NFKB1: variants seen among roughly 807,000 people sequenced by gnomAD.
NFKB1 encodes the protein nuclear factor kappa B subunit 1, also known as nuclear factor NF-kappa-B p105 subunit.
Under a neutral mutation model 105.1 loss-of-function variants are expected in NFKB1, and 9 were observed. The observed-to-expected ratio is 0.09, with a 90% CI of 0.05 to 0.15. The LOEUF is 0.15. NFKB1 is among the 10% of genes least tolerant of loss of function. The pLI is 1.00. For missense variants in NFKB1, 830 were observed against 1,203.7 expected (o/e 0.69, Z 4.59); for synonymous variants, 440 against 442.2 (o/e 1.00, Z 0.06).
At chr4:102,519,194 A>G (rs1183484532) in intron 1 of NFKB1, among the ~76,000 whole-genome samples, 1 of 151,124 alleles carries the variant, frequency 6.6e-6, no homozygotes, top group African/African-American at 2.4e-5. Flanking sequence ...ACATTCAGGT[A>G]GTATTTCAAT....
intron 2 of NFKB1, among the ~76,000 whole-genome samples, chr4:102,527,763 AT>A (rs1413854341): frequency 7.2e-5 from 11 of 152,140 alleles, no homozygotes; most frequent in Admixed American, 2.6e-4. Context: ...TTCTCTAACA[AT>A]TAAGGGCGAA....
chr4:102,525,475 GT>G (rs1740851303), intron 1 of NFKB1, 36 bp from the exon 2 acceptor site: 12 of 1,598,938 alleles, frequency 7.5e-6, no homozygotes, highest in Non-Finnish European at 1.0e-5. Context: ...GTTCATTCTA[GT>G]GTTACAGTTT....
In NFKB1 at chr4:102,617,203, T is replaced by A. The variant is rs1243008185; in HGVS notation, c.*609T>A. 4 of 152,538 alleles carry A rather than the reference T, an allele frequency of 2.6e-5. No individual in the cohort carries two copies. The highest frequency in any genetic ancestry group is 2.6e-4 in the Admixed American group (4 of 15,282). The allele number at this position is 152,538 out of a possible 1,614,324, so 9.4% of individuals were successfully genotyped here. ...TCTGCATTTTGCTATTGTAAATATG[T>A]TTTTTAGATCAAATACTTTAAAGGA... On this transcript the variant is annotated 3_prime_UTR_variant, in exon 24 of 24. Transcript: ENST00000226574.
chr4:102,549,993 T>G (rs1301135983), intron 5 of NFKB1, among the ~76,000 whole-genome samples: 1 of 152,192 alleles, frequency 6.6e-6, no homozygotes, highest in Non-Finnish European at 1.5e-5. Context: ...TATCAATAAT[T>G]GTTATAAATT....
chr4:102,586,395 T>G (rs1475166314), intron 11 of NFKB1, among the ~76,000 whole-genome samples: 1 of 152,048 alleles, frequency 6.6e-6, no homozygotes, highest in East Asian at 1.9e-4. Flanking sequence ...CATGTTATAT[T>G]TTAGGTCCCT....
At chr4:102,506,156 A>G (rs1372559537) in intron 1 of NFKB1, among the ~76,000 whole-genome samples, 3 of 152,206 alleles carry the variant, frequency 2.0e-5, no homozygotes, top group Admixed American at 6.5e-5. Flanking sequence ...CAAGATTATA[A>G]AGTAATTGGA....
intron 5 of NFKB1, among the ~76,000 whole-genome samples, chr4:102,546,144 G>A (rs1261049434): frequency 6.6e-6 from 1 of 152,100 alleles, no homozygotes; most frequent in Non-Finnish European, 1.5e-5. Flanking sequence ...GCTAATATTT[G>A]TAGTGATTAC....
intron 5 of NFKB1, among the ~76,000 whole-genome samples, chr4:102,563,551 CTAT>C (rs1723608775): frequency 6.6e-6 from 1 of 152,018 alleles, no homozygotes; most frequent in Non-Finnish European, 1.5e-5. Flanking sequence ...TTTTAAACTA[CTAT>C]TATTTGTTGA....
At chr4:102,609,898 T>C (rs1477465009) in intron 19 of NFKB1, among the ~76,000 whole-genome samples, 2 of 152,248 alleles carry the variant, frequency 1.3e-5, no homozygotes, top group Non-Finnish European at 2.9e-5. Flanking sequence ...TAAACACTCA[T>C]AAAAATCATC....
At chr4:102,607,116 C>A in intron 17 of NFKB1, 34 bp from the exon 18 acceptor site, 2 of 1,611,638 alleles carry the variant, frequency 1.2e-6, no homozygotes, top group Non-Finnish European at 1.7e-6. Flanking sequence ...GTTAGCCATC[C>A]CATCCTGTGA....
chr4:102,582,626 G>C (rs915528863), intron 9 of NFKB1, among the ~76,000 whole-genome samples: 2 of 152,088 alleles, frequency 1.3e-5, no homozygotes, highest in Non-Finnish European at 2.9e-5. Context: ...GAAAATTCAA[G>C]TTAACTAGGT....
At chr4:102,561,250 CTCTT>C (rs1396824770) in intron 5 of NFKB1, among the ~76,000 whole-genome samples, 62 of 141,632 alleles carry the variant, frequency 4.4e-4, no homozygotes, top group Admixed American at 1.5e-3. Context: ...TAGCGTTATT[CTCTT>C]TCTTTCTTTC....
intron 12 of NFKB1, 147 bp from the exon 13 acceptor site, chr4:102,594,745 C>T (rs1726465829): frequency 1.8e-6 from 1 of 545,416 alleles, no homozygotes; most frequent in South Asian, 2.9e-5. Context: ...CACCATGTGT[C>T]TTAGTCCCAA....
chr4:102,604,669 C>G (rs909608016), intron 16 of NFKB1, among the ~76,000 whole-genome samples: 1 of 151,408 alleles, frequency 6.6e-6, no homozygotes, highest in South Asian at 2.1e-4. Flanking sequence ...TCACCTATAA[C>G]ATCCTTGTTT....
chr4:102,566,934 C>T lies in NFKB1; in HGVS notation c.259-53C>T, dbSNP rs534204159. 2.1e-5 allele frequency: 34 copies of T among 1,588,950 alleles called. No homozygotes were observed. The East Asian group carries it at 6.7e-4, about 31-fold the overall frequency. ...TACTGGCTTATCATAAACATGTTTC[C>T]ATGTTGCTGGAGAGTCAGATATGCT... On this transcript the variant is annotated intron_variant, in intron 5 of 23. Transcript: ENST00000226574.
intron 9 of NFKB1, among the ~76,000 whole-genome samples, chr4:102,582,119 A>G (rs1022360531): frequency 6.6e-6 from 1 of 152,212 alleles, no homozygotes; most frequent in Non-Finnish European, 1.5e-5. Context: ...AACACACTCC[A>G]TGACTAGAGT....
chr4:102,506,333 A>G (rs1258969846), intron 1 of NFKB1, among the ~76,000 whole-genome samples: 1 of 152,208 alleles, frequency 6.6e-6, no homozygotes, highest in Non-Finnish European at 1.5e-5. Flanking sequence ...ATCTAAATTA[A>G]TCAACCAAAA....
At chr4:102,570,653 A>G (rs1237297406) in intron 6 of NFKB1, among the ~76,000 whole-genome samples, 4 of 152,180 alleles carry the variant, frequency 2.6e-5, no homozygotes, top group Non-Finnish European at 5.9e-5. Flanking sequence ...TACAAAATCA[A>G]TGTGCAAAAA....
chr4:102,559,760 A>G (rs577363096), intron 5 of NFKB1, among the ~76,000 whole-genome samples: 1 of 151,634 alleles, frequency 6.6e-6, no homozygotes, highest in Non-Finnish European at 1.5e-5. Flanking sequence ...CGGGCAACAT[A>G]GTGAGACTCT....
Sources: allele counts gnomAD v4.1 joint callset (sites outside exome capture counted in the v4.1 genomes callset), GRCh38; gene constraint gnomAD v4.1.1; transcripts MANE v1.5; gene names NCBI Gene and HGNC (gene_info 2026-07-23, HGNC 2026-07-21).